TARBP1: variants seen among roughly 807,000 people sequenced by gnomAD.
The protein encoded by TARBP1 is tRNA (guanosine(18)-2'-O)-methyltransferase TARBP1.
In TARBP1, 144 loss-of-function variants were observed where a neutral mutation model predicts 178.6. The ratio of observed to expected loss-of-function variants is 0.81; its 90% CI spans 0.70 to 0.93. The LOEUF is 0.93. Among genes scored for constraint, TARBP1 ranks in the 40% least tolerant of loss-of-function variants. The pLI is 0.00. For missense variants in TARBP1, 2,067 were observed against 2,011.7 expected, an observed-to-expected ratio of 1.03 and a Z score of -0.53; for synonymous variants, 787 against 781.0, an observed-to-expected ratio of 1.01 and a Z score of -0.13.
At chr1:234,402,617 C>T (rs1660807928) in intron 24 of TARBP1, among the ~76,000 whole-genome samples, 1 of 151,962 alleles carries the variant, frequency 6.6e-6, no homozygotes, top group African/African-American at 2.4e-5. Flanking sequence ...ACTCGGTTGC[C>T]AGGCTGGAGT....
intron 1 of TARBP1, 144 bp downstream of exon 1, chr1:234,478,029 G>T: frequency 1.3e-6 from 1 of 769,072 alleles, no homozygotes; most frequent in Non-Finnish European, 2.0e-6. Flanking sequence ...AAGGTTTTCA[G>T]GCTTTAGGGG....
intron 20 of TARBP1, among the ~76,000 whole-genome samples, chr1:234,422,955 G>GT: frequency 6.6e-6 from 1 of 152,240 alleles, no homozygotes; most frequent in Non-Finnish European, 1.5e-5. Flanking sequence ...TTCTTAAACT[G>GT]TATCAGCTCC....
intron 12 of TARBP1, among the ~76,000 whole-genome samples, chr1:234,437,640 C>T (rs1302096918): frequency 2.6e-5 from 4 of 152,190 alleles, no homozygotes; most frequent in Admixed American, 6.5e-5. Context: ...GAATGCATGA[C>T]GCAGCTATTT....
chr1:234,420,254 G>A (rs1662935065), intron 21 of TARBP1, among the ~76,000 whole-genome samples: 1 of 152,182 alleles, frequency 6.6e-6, no homozygotes, highest in Non-Finnish European at 1.5e-5. Flanking sequence ...TATTCATGAA[G>A]TTAAGGGCAA....
intron 14 of TARBP1, among the ~76,000 whole-genome samples, chr1:234,430,652 G>A (rs564081445): frequency 2.0e-5 from 3 of 152,060 alleles, no homozygotes; most frequent in South Asian, 2.1e-4. Context: ...TCTCCTACTC[G>A]CATACACATC....
chr1:234,478,546 G>C lies in TARBP1; in HGVS notation c.558C>G (p.Asp186Glu). The change falls in exon 1 of 30, where the codon GAC becomes GAG. Residue 186 changes from aspartate to glutamate, a missense_variant. Asp to Glu is a conservative substitution (Grantham distance 45, BLOSUM62 2). Coordinates refer to ENST00000040877, the MANE Select transcript of TARBP1 (RefSeq NM_005646.4). ...GDGDEAGPAE[D>E]AAALVAGRLL... ...GTCGCCCGGCCACCAGCGCCGCCGC[G>C]TCCTCGGCAGGCCCGGCCTCATCCC... The C allele has an allele frequency of 7.4e-7, 1 of 1,355,272 alleles. No homozygotes were observed. The highest frequency in any genetic ancestry group is 9.5e-7 in the Non-Finnish European group (1 of 1,051,682). 84.0% of individuals were successfully genotyped at this position (1,355,272 alleles called of 1,614,324 possible). A position where few individuals can be genotyped will look rare whatever the true frequency, so the allele number is the denominator to read the frequency against.
chr1:234,407,062 T>C (rs952139419), intron 23 of TARBP1: 4 of 152,240 alleles, frequency 2.6e-5, no homozygotes, highest in Non-Finnish European at 4.4e-5. Context: ...TCTCATTCCT[T>C]TACTCAACAT....
Position 234,479,074 on chromosome 1 carries a change from G to C in TARBP1, c.30C>G (p.Leu10=), listed in dbSNP as rs758550646. The change falls in exon 1 of 30, where the codon CTC becomes CTG. Residue 10 remains leucine (L), a synonymous_variant. Transcript: ENST00000040877. The part of the protein sequence containing the change: MEWVLAEAL[L]SQSRDPRALL... ...GGGCCCGGGGGTCCCGGCTCTGCGAGAGCAGCGCTTCCGCGAGCACCCACT... is the reference window on the plus strand; with the variant it reads ...GGGCCCGGGGGTCCCGGCTCTGCGACAGCAGCGCTTCCGCGAGCACCCACT... The C allele has an allele frequency of 4.5e-6, 7 of 1,540,160 alleles. No homozygotes were observed. The Admixed American group carries it at 9.7e-5, about 21-fold the overall frequency.
At chr1:234,434,720 C>G (rs1174637874) in intron 13 of TARBP1, among the ~76,000 whole-genome samples, 3 of 151,614 alleles carry the variant, frequency 2.0e-5, no homozygotes, top group Admixed American at 2.0e-4. Context: ...AGAACTGAAG[C>G]TGGGGATGTA....
chr1:234,393,670 T>A lies in TARBP1; in HGVS notation c.4411A>T (p.Ile1471Phe). The A allele has an allele frequency of 1.2e-6, 2 of 1,612,518 alleles. No individual in the cohort carries two copies. Among genetic ancestry groups the A allele is most frequent in the African/African-American group, 1.3e-5 (1 of 75,022 alleles). The change falls in exon 27 of 30, where the codon ATC (isoleucine) becomes TTC (phenylalanine). Residue 1471 changes from isoleucine to phenylalanine, a missense_variant. Transcript: ENST00000040877. ...ISRLIVVASLIDKPTNLGGLC... is the reference protein window; with the variant it reads ...ISRLIVVASLFDKPTNLGGLC... ...CCTCCTAAATTGGTCGGTTTGTCGA[T>A]GAGCGAGGCCACAACGATGAGTCTA...
rs1457727217 is a variant in TARBP1 at position 234,429,651 on chromosome 1, T to G, written c.2636A>C (p.Gln879Pro). ...TTGTGCAACTATTTTTCCCCATCCT[T>G]GGGAAGATGACGATTCTTCCAAAAC... ...SSVLEESSSS[Q>P]GWGKIVAQYI... The change falls in exon 16 of 30, where the codon CAA (glutamine) becomes CCA (proline). Residue 879 changes from glutamine to proline, a missense_variant. Physicochemically the swap from Gln to Pro is moderately conservative, Grantham distance 76. Coordinates refer to ENST00000040877, the MANE Select transcript of TARBP1 (RefSeq NM_005646.4). 4.4e-6 allele frequency: 7 copies of G among 1,605,246 alleles called. No homozygotes were observed. The highest frequency in any genetic ancestry group is 5.9e-6 in the Non-Finnish European group (7 of 1,177,064).
At chr1:234,462,044 A>G (rs943164152) in intron 6 of TARBP1, among the ~76,000 whole-genome samples, 1 of 152,250 alleles carries the variant, frequency 6.6e-6, no homozygotes, top group Non-Finnish European at 1.5e-5. Flanking sequence ...ATAACTGTGA[A>G]TGAATGTTTT....
Position 234,427,766 on chromosome 1 carries a change from T to C in TARBP1, c.3061A>G (p.Ile1021Val). ...GACATTTCAATTATCTTGTACATAATCTGGAATAAAATACAACCGTCATTT... is the reference window on the plus strand; with the variant it reads ...GACATTTCAATTATCTTGTACATAACCTGGAATAAAATACAACCGTCATTT... ...KGQAYFKIKE[I>V]MYKIIEMSAI... Residue 1021 changes from isoleucine (I) to valine (V), a missense_variant and splice_region_variant, in exon 18 of 30, where the codon ATT becomes GTT. Transcript: ENST00000040877. 1.4e-6 allele frequency: 2 copies of C among 1,407,042 alleles called. No homozygotes were observed. Among genetic ancestry groups the C allele is most frequent in the Non-Finnish European group, 1.9e-6 (2 of 1,076,558 alleles). The allele number at this position is 1,407,042 out of a possible 1,614,324, so 87.2% of individuals were successfully genotyped here. A position where few individuals can be genotyped will look rare whatever the true frequency, so the allele number is the denominator to read the frequency against.
chr1:234,450,875 G>A (rs887085328), intron 9 of TARBP1, among the ~76,000 whole-genome samples: 2 of 151,880 alleles, frequency 1.3e-5, no homozygotes, highest in South Asian at 4.1e-4. Flanking sequence ...TCATTAACAG[G>A]CAAGAATTTC....
intron 26 of TARBP1, among the ~76,000 whole-genome samples, chr1:234,396,451 C>T (rs1659942159): frequency 6.6e-6 from 1 of 152,152 alleles, no homozygotes; most frequent in Non-Finnish European, 1.5e-5. Flanking sequence ...AAAGGTCTTT[C>T]TCACCCTCCG....
chr1:234,449,159 C>G (rs572748964), intron 10 of TARBP1, among the ~76,000 whole-genome samples: 2 of 152,216 alleles, frequency 1.3e-5, no homozygotes, highest in Admixed American at 6.5e-5. Context: ...TGACAGGGAG[C>G]AGCAAAAACT....
At position 234,429,486 on chromosome 1, in the gene TARBP1, T is replaced by G. The variant is rs984173563; in HGVS notation, c.2801A>C (p.Glu934Ala). 1 of 1,614,076 alleles carries G rather than the reference T, an allele frequency of 6.2e-7. No individual in the cohort carries two copies. Among genetic ancestry groups the G allele is most frequent in the Admixed American group, 1.7e-5 (1 of 60,006 alleles). Reference sequence around the variant, plus strand: ...ATCAGAAGAAAGAACTGTGAGGGCTTCTAGTGCAGACTGCAAAGTCCTTAT... The same window carrying G: ...ATCAGAAGAAAGAACTGTGAGGGCTGCTAGTGCAGACTGCAAAGTCCTTAT... ...MPIRTLQSALEALTVLSSDQV... is the reference protein window; with the variant it reads ...MPIRTLQSALAALTVLSSDQV... The change falls in exon 16 of 30, where the codon GAA becomes GCA. Residue 934 changes from glutamate (E) to alanine (A), a missense_variant. Transcript: ENST00000040877.
intron 23 of TARBP1, among the ~76,000 whole-genome samples, chr1:234,408,802 G>A (rs1401670498): frequency 2.0e-5 from 3 of 152,108 alleles, no homozygotes; most frequent in East Asian, 1.9e-4. Context: ...CAGGGAGATC[G>A]ATTTGAGTAC....
intron 4 of TARBP1, among the ~76,000 whole-genome samples, chr1:234,467,155 C>A (rs539253918): frequency 1.3e-5 from 2 of 152,272 alleles, no homozygotes; most frequent in South Asian, 4.1e-4. Context: ...AAACAAATAA[C>A]AGTCATCAGT....
Sources: gnomAD v4.1 joint callset for allele counts (sites outside exome capture counted in the v4.1 genomes callset) on GRCh38, gnomAD v4.1.1 for gene constraint, MANE v1.5 for transcripts, NCBI Gene and HGNC (gene_info 2026-07-23, HGNC 2026-07-21) for gene names.